Variants in CNOT6 observed in about 807,000 individuals in gnomAD.
CNOT6 encodes CCR4-NOT transcription complex subunit 6, also known as carbon catabolite repression 4 protein.
CNOT6 carries 12 observed loss-of-function variants against 61.2 expected under a neutral mutation model. That is an observed-to-expected ratio of 0.20 (90% confidence interval 0.13 to 0.32). The LOEUF (loss-of-function observed/expected upper bound fraction) is 0.32, where lower values mean the gene tolerates loss of function less well. CNOT6 is among the 10% of genes least tolerant of loss of function. CNOT6 has a pLI of 1.00. For synonymous variants in CNOT6, 225 were observed against 240.6 expected, an observed-to-expected ratio of 0.94 and a Z score of 0.60; for missense variants, 405 against 663.9, an observed-to-expected ratio of 0.61 and a Z score of 4.28.
intron 1 of CNOT6, among the ~76,000 whole-genome samples, chr5:180,512,062 A>G (rs1243188849): frequency 2.0e-5 from 3 of 152,246 alleles, no homozygotes; most frequent in South Asian, 2.1e-4. Flanking sequence ...ATGAACTGCA[A>G]TAAAGACAGG....
chr5:180,537,722 T>C (rs1758770136), intron 2 of CNOT6, among the ~76,000 whole-genome samples: 1 of 152,134 alleles, frequency 6.6e-6, no homozygotes, highest in African/African-American at 2.4e-5. Flanking sequence ...ATTTATTTAG[T>C]TCTTTGATTT....
intron 1 of CNOT6, among the ~76,000 whole-genome samples, chr5:180,525,132 C>T (rs1581498763): frequency 6.6e-6 from 1 of 152,162 alleles, no homozygotes; most frequent in Non-Finnish European, 1.5e-5. Context: ...ATTGAAGAAA[C>T]TAACGTATAA....
At chr5:180,524,597 T>A (rs1374999369) in intron 1 of CNOT6, among the ~76,000 whole-genome samples, 1 of 152,134 alleles carries the variant, frequency 6.6e-6, no homozygotes, top group Non-Finnish European at 1.5e-5. Flanking sequence ...AAGGGAATGG[T>A]TGGCTGCCTA....
chr5:180,565,886 A>G lies in CNOT6; in HGVS notation c.626A>G (p.Tyr209Cys), dbSNP rs760210460. The G allele has an allele frequency of 1.2e-6, 2 of 1,613,940 alleles. No homozygotes were observed. The highest frequency in any genetic ancestry group is 1.1e-5 in the South Asian group (1 of 91,066). ...TATGCGACCCGGCAGTTATACGGCT[A>G]CTGTCCATCATGGGCGCTAAACTGG... ...DKYATRQLYG[Y>C]CPSWALNWDY... Residue 209 changes from tyrosine to cysteine, a missense_variant, in exon 7 of 12, where the codon TAC (tyrosine) becomes TGC (cysteine). By Grantham distance (194) the Tyr-to-Cys change is radical. Coordinates refer to ENST00000261951, the MANE Select transcript of CNOT6 (RefSeq NM_001370472.1).
At chr5:180,552,749 C>T (rs890016696) in intron 3 of CNOT6, among the ~76,000 whole-genome samples, 3 of 152,070 alleles carry the variant, frequency 2.0e-5, no homozygotes, top group African/African-American at 4.8e-5. Context: ...CCCGGCTCAC[C>T]CTTGAAGGTT....
intron 11 of CNOT6, among the ~76,000 whole-genome samples, chr5:180,572,382 G>T (rs1760791926): frequency 6.6e-6 from 1 of 151,760 alleles, no homozygotes; most frequent in Non-Finnish European, 1.5e-5. Context: ...TAGAGACGGA[G>T]TTTCACCATG....
intron 1 of CNOT6, among the ~76,000 whole-genome samples, chr5:180,526,085 C>T (rs953798136): frequency 6.6e-6 from 1 of 152,146 alleles, no homozygotes; most frequent in African/African-American, 2.4e-5. Context: ...AGGCGTGAGC[C>T]ATTGTGCCTG....
In CNOT6 at chr5:180,533,252, G is replaced by A. The variant is rs189000883; in HGVS notation, c.112+3864G>A. 5.9e-3 allele frequency among the ~76,000 whole-genome samples: 868 copies of A among 147,920 alleles called. 4 individuals carry two copies. The highest frequency in any genetic ancestry group is 9.5e-3 in the Non-Finnish European group (641 of 67,338). On this transcript the variant is annotated intron_variant, in intron 2 of 11. Coordinates refer to ENST00000261951, the MANE Select transcript of CNOT6 (RefSeq NM_001370472.1). Reference sequence around the variant, plus strand: ...TAGATCCTGTTTCCTGAGGCCTTAAGCACTCTAACATTATAACAAAGACTA... The same window carrying A: ...TAGATCCTGTTTCCTGAGGCCTTAAACACTCTAACATTATAACAAAGACTA...
chr5:180,503,002 C>T (rs903345720), intron 1 of CNOT6, among the ~76,000 whole-genome samples: 1 of 152,072 alleles, frequency 6.6e-6, no homozygotes, highest in African/African-American at 2.4e-5. Context: ...AAAGAATTGT[C>T]ATTTGGTTTT....
chr5:180,506,551 C>CA (rs1757138404), intron 1 of CNOT6, among the ~76,000 whole-genome samples: 1 of 152,204 alleles, frequency 6.6e-6, no homozygotes, highest in Admixed American at 6.5e-5. Flanking sequence ...GTGCCCAACA[C>CA]ACTTTTGCCA....
chr5:180,495,201 G>A (rs1376156731), intron 1 of CNOT6, among the ~76,000 whole-genome samples: 2 of 152,204 alleles, frequency 1.3e-5, no homozygotes, highest in African/African-American at 4.8e-5. Context: ...ACTGTCAAGC[G>A]GGAAACCAAC....
chr5:180,569,860 A>G (rs1760653003), intron 10 of CNOT6, among the ~76,000 whole-genome samples: 1 of 152,234 alleles, frequency 6.6e-6, no homozygotes, highest in Non-Finnish European at 1.5e-5. Context: ...TAGAATACAG[A>G]AAGCCTGATC....
intron 1 of CNOT6, among the ~76,000 whole-genome samples, chr5:180,516,751 G>A (rs148890291): frequency 1.5e-3 from 233 of 152,220 alleles, no homozygotes; most frequent in African/African-American, 5.4e-3. Flanking sequence ...ATCATTCATT[G>A]CATCTGATTA....
Position 180,574,065 on chromosome 5 carries a change from G to C in CNOT6, c.1539G>C (p.Trp513Cys). The C allele has an allele frequency of 6.2e-7, 1 of 1,613,952 alleles. No homozygotes were observed. Among genetic ancestry groups the C allele is most frequent in the Non-Finnish European group, 8.5e-7 (1 of 1,179,890 alleles). Residue 513 changes from tryptophan to cysteine, a missense_variant, in exon 12 of 12, where the codon TGG becomes TGC. Physicochemically the swap from Trp to Cys is radical, Grantham distance 215 (BLOSUM62 -2). Around this residue, in one of 5 missense-constraint regions of CNOT6, gnomAD observed 52 missense variants for 69.3 expected, o/e 0.75. Transcript: ENST00000261951. ...LGILGPLDHH[W>C]LVENNISGCP... ...TCCTGGGCCCTCTGGACCACCACTGGCTGGTTGAGAATAACATCAGTGGCT... is the reference window on the plus strand; with the variant it reads ...TCCTGGGCCCTCTGGACCACCACTGCCTGGTTGAGAATAACATCAGTGGCT...
intron 1 of CNOT6, among the ~76,000 whole-genome samples, chr5:180,515,598 TAGTTGA>T (rs1187294609): frequency 1.3e-5 from 2 of 152,042 alleles, no homozygotes; most frequent in African/African-American, 4.8e-5. Context: ...GGATGTGTAA[TAGTTGA>T]AGTTGAGAAA....
Position 180,577,110 on chromosome 5 carries a change from T to C in CNOT6, c.*2910T>C, listed in dbSNP as rs1236509057. On this transcript the variant is annotated 3_prime_UTR_variant, in exon 12 of 12. Transcript: ENST00000261951. ...TTTAAGCTAAAGTTGTAGAAATGAA[T>C]TGTTGAGTGCAACTTTCATAGTCCC... is the stretch of plus-strand genomic sequence containing the variant. The C allele has an allele frequency of 1.3e-5, 2 of 152,398 alleles. No individual in the cohort carries two copies. Among genetic ancestry groups the C allele is most frequent in the East Asian group, 3.9e-4 (2 of 5,180 alleles). 9.4% of individuals were successfully genotyped at this position (152,398 alleles called of 1,614,324 possible).
chr5:180,552,498 T>C (rs1009879243), intron 3 of CNOT6, among the ~76,000 whole-genome samples: 3 of 151,266 alleles, frequency 2.0e-5, no homozygotes, highest in Admixed American at 1.3e-4. Flanking sequence ...AAAAAAAAAT[T>C]AGCTGGGTGT....
intron 3 of CNOT6, 90 bp downstream of exon 3, chr5:180,550,207 C>A: frequency 4.0e-6 from 4 of 1,004,678 alleles, no homozygotes; most frequent in Non-Finnish European, 5.9e-6. Context: ...GTAATTCTAG[C>A]GTTTTGGGAG....
chr5:180,513,697 A>T (rs925518727), intron 1 of CNOT6, among the ~76,000 whole-genome samples: 87 of 112,494 alleles, frequency 7.7e-4, no homozygotes, highest in East Asian at 7.6e-3. Flanking sequence ...TTATTTATTT[A>T]TTTTTATTTA....
Sources: gnomAD v4.1 joint callset for allele counts (sites outside exome capture counted in the v4.1 genomes callset) on GRCh38, gnomAD v4.1.1 for gene constraint, gnomAD v4.1.1 regional missense constraint, MANE v1.5 for transcripts, NCBI Gene and HGNC (gene_info 2026-07-23, HGNC 2026-07-21) for gene names.